CNTNAP2: variants seen among roughly 807,000 people sequenced by gnomAD.
CNTNAP2 encodes contactin associated protein 2.
Under a neutral mutation model 155.2 loss-of-function variants are expected in CNTNAP2, and 98 were observed. That is an observed-to-expected ratio of 0.63 (90% CI 0.54 to 0.75). The LOEUF (loss-of-function observed/expected upper bound fraction) is 0.75, where lower values mean the gene tolerates loss of function less well. Among genes scored for constraint, CNTNAP2 ranks in the 30% least tolerant of loss-of-function variants. The pLI is 0.00. For synonymous variants in CNTNAP2, 651 were observed against 631.2 expected, an observed-to-expected ratio of 1.03 and a Z score of -0.47; for missense variants, 1,727 against 1,688.1, an observed-to-expected ratio of 1.02 and a Z score of -0.40.
rs554924197 is a variant in CNTNAP2, at chr7:147,005,045, G to A, written c.403-38862G>A. ...TGTGGAAGACACCCACCAAACTGAA[G>A]ATAGTATTGGTCTCTCCGGAGGCAG... On this transcript the variant is annotated intron_variant, in intron 3 of 23. Transcript: ENST00000361727. Among the ~76,000 whole-genome samples, 13 of 152,162 alleles carry A rather than the reference G, an allele frequency of 8.5e-5. No homozygotes were observed. The South Asian group carries it at 2.5e-3, about 29-fold the overall frequency.
At chr7:146,695,627 G>A (rs190706879) in intron 1 of CNTNAP2, among the ~76,000 whole-genome samples, 124 of 151,862 alleles carry the variant, frequency 8.2e-4, no homozygotes, top group African/African-American at 2.8e-3. Context: ...GGGTTTCCTC[G>A]TGTTGCCTAG....
rs567402065 is a variant in CNTNAP2, at chr7:148,063,543, C to G, written c.2384-54575C>G. On this transcript the variant is annotated intron_variant, in intron 15 of 23. Coordinates refer to ENST00000361727, the MANE Select transcript of CNTNAP2 (RefSeq NM_014141.6). Reference sequence around the variant, plus strand: ...TATCTAATCTTTTCTTCTGTAGTGTCTAATCTGCTGTTAGCCCTTTCCAGA... The same window carrying G: ...TATCTAATCTTTTCTTCTGTAGTGTGTAATCTGCTGTTAGCCCTTTCCAGA... Among the ~76,000 whole-genome samples the G allele has an allele frequency of 2.6e-5, 4 of 150,956 alleles. No individual in the cohort carries two copies. In the East Asian group the frequency reaches 5.8e-4, roughly 22 times the overall value.
intron 3 of CNTNAP2, among the ~76,000 whole-genome samples, chr7:146,922,744 T>C (rs1796530757): frequency 6.6e-6 from 1 of 152,138 alleles, no homozygotes. Context: ...ATAATAAAAC[T>C]ATAGGGTTTC....
Position 146,721,168 on chromosome 7 carries a change from C to A in CNTNAP2, c.98-53103C>A, listed in dbSNP as rs190748049. On this transcript the variant is annotated intron_variant, in intron 1 of 23. Transcript: ENST00000361727. ...TATATATTCTATATATATATTCTCT[C>A]TATATATTCCATATATATATTCTCT... Among the ~76,000 whole-genome samples, 52 of 130,676 alleles carry A rather than the reference C, an allele frequency of 4.0e-4. 1 individual carries two copies. The highest frequency in any genetic ancestry group is 0.011 in the Middle Eastern group (1 of 88). 85.7% of individuals were successfully genotyped at this position (130,676 alleles called of 152,430 possible).
At chr7:147,211,238 CT>C (rs1803139356) in intron 8 of CNTNAP2, among the ~76,000 whole-genome samples, 2 of 151,850 alleles carry the variant, frequency 1.3e-5, no homozygotes, top group Non-Finnish European at 2.9e-5. Flanking sequence ...GTTTAAGTGC[CT>C]TATTATTATT....
At chr7:147,061,666 TC>T (rs1180069333) in intron 4 of CNTNAP2, among the ~76,000 whole-genome samples, 1 of 152,228 alleles carries the variant, frequency 6.6e-6, no homozygotes, top group Non-Finnish European at 1.5e-5. Flanking sequence ...CTGCTGCTTT[TC>T]CTGCAGTCTT....
intron 22 of CNTNAP2, among the ~76,000 whole-genome samples, chr7:148,392,464 G>A (rs1333539358): frequency 6.6e-6 from 1 of 152,194 alleles, no homozygotes; most frequent in African/African-American, 2.4e-5. Context: ...TCTCACCCCA[G>A]AAAGGACCTG....
intron 15 of CNTNAP2, 71 bp from the exon 16 acceptor site, chr7:148,118,047 A>T (rs955670668): frequency 2.0e-6 from 3 of 1,515,518 alleles, no homozygotes; most frequent in Non-Finnish European, 2.7e-6. Context: ...AACTCAAGCA[A>T]TGGGTATCTG....
At chr7:146,299,765 G>A (rs1800575572) in intron 1 of CNTNAP2, among the ~76,000 whole-genome samples, 1 of 151,996 alleles carries the variant, frequency 6.6e-6, no homozygotes, top group South Asian at 2.1e-4. Context: ...GAAACCTTCA[G>A]GAATGCATAC....
intron 15 of CNTNAP2, among the ~76,000 whole-genome samples, chr7:148,038,351 C>T (rs113603610): frequency 0.016 from 2,406 of 152,226 alleles, 24 homozygotes; most frequent in Admixed American, 0.022. Flanking sequence ...AAGCTGCTTC[C>T]GCAGTTAAAA....
At chr7:147,031,899 C>G (rs549949040) in intron 3 of CNTNAP2, among the ~76,000 whole-genome samples, 118 of 152,304 alleles carry the variant, frequency 7.7e-4, no homozygotes, top group African/African-American at 2.7e-3. Flanking sequence ...GCCCGGACAA[C>G]AGAAAAAGAC....
At position 146,357,050 on chromosome 7, in the gene CNTNAP2, A is replaced by G. The variant is rs185004489; in HGVS notation, c.97+240077A>G. 4.1e-4 allele frequency among the ~76,000 whole-genome samples: 63 copies of G among 152,276 alleles called. 1 individual carries two copies. The highest frequency in any genetic ancestry group is 3.8e-4 in the Non-Finnish European group (26 of 68,024). ...TGAAGTTATTATAACATCTTGTTCA[A>G]TGTAAGCACAGCTGAGTTCCTTAGA... On this transcript the variant is annotated intron_variant, in intron 1 of 23. Transcript: ENST00000361727.
At chr7:148,061,750 G>A (rs188149150) in intron 15 of CNTNAP2, among the ~76,000 whole-genome samples, 4 of 152,056 alleles carry the variant, frequency 2.6e-5, no homozygotes, top group African/African-American at 9.7e-5. Flanking sequence ...CATCTATTCA[G>A]AAAGACTAAA....
chr7:146,690,008 T>A (rs1356726716), intron 1 of CNTNAP2, among the ~76,000 whole-genome samples: 1 of 151,544 alleles, frequency 6.6e-6, no homozygotes. Flanking sequence ...TTTTTCAAAT[T>A]TATATATATC....
At chr7:146,218,027 T>C (rs1483007786) in intron 1 of CNTNAP2, among the ~76,000 whole-genome samples, 1 of 152,146 alleles carries the variant, frequency 6.6e-6, no homozygotes, top group African/African-American at 2.4e-5. Context: ...GATCAATGTA[T>C]GGACCAAAGG....
rs143968880 is a variant in CNTNAP2 at position 146,432,551 on chromosome 7, A to C, written c.97+315578A>C. 3.1e-3 allele frequency among the ~76,000 whole-genome samples: 472 copies of C among 152,246 alleles called. 2 individuals are homozygous for C. The highest frequency in any genetic ancestry group is 0.011 in the African/African-American group (444 of 41,570). ...GATCAAAAGAAAATTAATCTTTTTC[A>C]AGTGATTTTGAAAATGTCCATTCTA... On this transcript the variant is annotated intron_variant, in intron 1 of 23. Transcript: ENST00000361727.
intron 1 of CNTNAP2, among the ~76,000 whole-genome samples, chr7:146,198,069 G>C (rs1311784905): frequency 6.6e-6 from 1 of 151,916 alleles, no homozygotes; most frequent in African/African-American, 2.4e-5. Flanking sequence ...ACCGCATGGG[G>C]GAAATCACCC....
At chr7:146,661,375 T>G (rs574164037) in intron 1 of CNTNAP2, among the ~76,000 whole-genome samples, 1 of 152,192 alleles carries the variant, frequency 6.6e-6, no homozygotes, top group Non-Finnish European at 1.5e-5. Context: ...TTGGCAAAGG[T>G]ATGCAGTCAT....
At chr7:148,286,646 A>T (rs1041314874) in intron 21 of CNTNAP2, among the ~76,000 whole-genome samples, 9 of 152,216 alleles carry the variant, frequency 5.9e-5, no homozygotes, top group Non-Finnish European at 1.2e-4. Flanking sequence ...TATTTTATCA[A>T]AATTAATTAA....
Sources: gnomAD v4.1 joint callset for allele counts (sites outside exome capture counted in the v4.1 genomes callset) on GRCh38, gnomAD v4.1.1 for gene constraint, MANE v1.5 for transcripts, NCBI Gene and HGNC (gene_info 2026-07-23, HGNC 2026-07-21) for gene names.